The following USH2A variants were observed in gnomAD, a reference collection of about 807,000 sequenced individuals.
USH2A encodes usherin.
Under a neutral mutation model 538.9 loss-of-function variants are expected in USH2A, and 443 were observed. That is an observed-to-expected ratio of 0.82 (90% confidence interval 0.76 to 0.89). The LOEUF is 0.89. Ranked by LOEUF, USH2A falls within the 40% of genes least tolerant of loss-of-function variation. The pLI is 0.00. For missense variants in USH2A, 6,633 were observed against 6,324.8 expected (o/e 1.05, Z -1.65); for synonymous variants, 2,413 against 2,273.5 (o/e 1.06, Z -1.75).
At chr1:216,277,920 C>G (rs991456026) in intron 11 of USH2A, among the ~76,000 whole-genome samples, 2 of 152,090 alleles carry the variant, frequency 1.3e-5, no homozygotes, top group African/African-American at 2.4e-5. Flanking sequence ...GAGGTAGGAA[C>G]AGCTGTCTTG....
intron 3 of USH2A, among the ~76,000 whole-genome samples, chr1:216,391,946 T>C (rs746533246): frequency 6.6e-6 from 1 of 152,208 alleles, no homozygotes; most frequent in African/African-American, 2.4e-5. Flanking sequence ...TGCTTGCCTC[T>C]GTTAAATCTC....
intron 58 of USH2A, 121 bp downstream of exon 58, chr1:215,758,474 A>T: frequency 7.9e-7 from 1 of 1,266,052 alleles, no homozygotes; most frequent in African/African-American, 1.5e-5. Flanking sequence ...TTCTGTTCAT[A>T]TTTATCCAGG....
chr1:215,775,856 T>C (rs1661446830), intron 55 of USH2A, among the ~76,000 whole-genome samples: 1 of 152,250 alleles, frequency 6.6e-6, no homozygotes, highest in Non-Finnish European at 1.5e-5. Flanking sequence ...GAAACGAAAG[T>C]AAATTATTCT....
At chr1:216,397,221 A>G (rs904634135) in intron 3 of USH2A, among the ~76,000 whole-genome samples, 1 of 152,228 alleles carries the variant, frequency 6.6e-6, no homozygotes, top group African/African-American at 2.4e-5. Context: ...TATTTGCTGA[A>G]AAGTGTTAAG....
chr1:215,641,835 A>G (rs1205089514), intron 67 of USH2A, among the ~76,000 whole-genome samples: 2 of 152,232 alleles, frequency 1.3e-5, no homozygotes, highest in Non-Finnish European at 2.9e-5. Context: ...GTTGATTGTT[A>G]TCTTTCAAAA....
At chr1:215,948,752 A>G (rs1666822218) in intron 37 of USH2A, among the ~76,000 whole-genome samples, 1 of 152,120 alleles carries the variant, frequency 6.6e-6, no homozygotes, top group Non-Finnish European at 1.5e-5. Flanking sequence ...AAAAATTTCA[A>G]TAAGGATAAT....
rs1450300668 is a variant in USH2A at position 215,743,426 on chromosome 1, A to G, written c.11390-91T>C. 2,388 of 297,632 alleles carry G rather than the reference A, an allele frequency of 8.0e-3. 69 individuals are homozygous for G. The highest frequency in any genetic ancestry group is 0.018 in the Admixed American group (230 of 12,972). The allele number at this position is 297,632 out of a possible 1,614,324, so 18.4% of individuals were successfully genotyped here. On this transcript the variant is annotated intron_variant, in intron 58 of 71. Coordinates refer to ENST00000307340, the MANE Select transcript of USH2A (RefSeq NM_206933.4). ...TGTGTGTGTGTGTGTGTATATATAT[A>G]TAGACACACATATATATATAAATAA...
rs371153974 is a variant in USH2A at position 216,280,035 on chromosome 1, T to C, written c.1971+9245A>G. ...CTGAGATCTCTAGATGTATGCACTT[T>C]AGGTGTGGATTCACAGACCCTTCTC... On this transcript the variant is annotated intron_variant, in intron 11 of 71. Transcript: ENST00000307340. Among the ~76,000 whole-genome samples, 5 of 151,944 alleles carry C rather than the reference T, an allele frequency of 3.3e-5. No individual in the cohort carries two copies. The South Asian group carries it at 1.0e-3, about 32-fold the overall frequency.
intron 4 of USH2A, among the ~76,000 whole-genome samples, chr1:216,348,380 C>T (rs564882775): frequency 6.6e-6 from 1 of 152,140 alleles, no homozygotes; most frequent in South Asian, 2.1e-4. Context: ...TTTACACATG[C>T]CCTGTACAGG....
chr1:216,123,613 AG>A (rs2033180517), intron 21 of USH2A, among the ~76,000 whole-genome samples: 5 of 152,200 alleles, frequency 3.3e-5, no homozygotes, highest in Non-Finnish European at 7.4e-5. Flanking sequence ...CTTTGAAAAC[AG>A]GAACAGTTAC....
intron 20 of USH2A, among the ~76,000 whole-genome samples, chr1:216,187,799 C>A (rs1225656751): frequency 6.6e-6 from 1 of 151,840 alleles, no homozygotes; most frequent in Non-Finnish European, 1.5e-5. Context: ...TAATTCTAAT[C>A]CTCATCAGAA....
chr1:216,381,994 A>G (rs1032718203), intron 3 of USH2A, among the ~76,000 whole-genome samples: 1 of 152,178 alleles, frequency 6.6e-6, no homozygotes, highest in African/African-American at 2.4e-5. Flanking sequence ...CTTGTAGTTC[A>G]TGGGTCAACT....
At chr1:215,741,177 A>G (rs1200323134) in intron 60 of USH2A, among the ~76,000 whole-genome samples, 198 bp downstream of exon 60, 1 of 152,214 alleles carries the variant, frequency 6.6e-6, no homozygotes, top group Non-Finnish European at 1.5e-5. Context: ...GTTAATTTGT[A>G]AAAGTTTGAG....
At chr1:216,335,607 G>A (rs1431844644) in intron 4 of USH2A, among the ~76,000 whole-genome samples, 1 of 151,432 alleles carries the variant, frequency 6.6e-6, no homozygotes, top group Non-Finnish European at 1.5e-5. Context: ...AACTGACTTT[G>A]CAGTCACAAA....
chr1:216,246,673 T>TGTCCCCAAGGA lies in USH2A; in HGVS notation c.2710_2720dup (p.Leu908ProfsTer63), dbSNP rs755218835. The TGTCCCCAAGGA allele has an allele frequency of 6.2e-7, 1 of 1,614,100 alleles. No individual in the cohort carries two copies. Among genetic ancestry groups the TGTCCCCAAGGA allele is most frequent in the Non-Finnish European group, 8.5e-7 (1 of 1,179,976 alleles). ...TTGGGTCACAAATGGTCCCAGGTAATGTCCCCAAGGAATCACACTCACACA... is the reference window on the plus strand; with the variant it reads ...TTGGGTCACAAATGGTCCCAGGTAATGTCCCCAAGGAGTCCCCAAGGAATCACACTCACACA... On this transcript the variant is annotated frameshift_variant, in exon 13 of 72. Coordinates refer to ENST00000307340, the MANE Select transcript of USH2A (RefSeq NM_206933.4). LOFTEE classifies it high-confidence loss of function.
intron 9 of USH2A, among the ~76,000 whole-genome samples, chr1:216,302,578 T>G (rs1321036944): frequency 6.6e-6 from 1 of 152,128 alleles, no homozygotes; most frequent in African/African-American, 2.4e-5. Context: ...GATACTGAAA[T>G]TAATAGCATA....
intron 32 of USH2A, among the ~76,000 whole-genome samples, chr1:216,042,469 T>C (rs760451340): frequency 3.9e-5 from 6 of 152,056 alleles, no homozygotes; most frequent in Non-Finnish European, 7.4e-5. Context: ...AGACCTAAAC[T>C]GACACTATTA....
At chr1:216,253,886 A>G (rs1288186957) in intron 11 of USH2A, among the ~76,000 whole-genome samples, 5 of 152,114 alleles carry the variant, frequency 3.3e-5, no homozygotes, top group African/African-American at 7.2e-5. Flanking sequence ...ATTACCTACC[A>G]TCTTGCACTC....
chr1:216,392,491 C>CAAAA (rs55951311), intron 3 of USH2A, among the ~76,000 whole-genome samples: 1 of 49,478 alleles, frequency 2.0e-5, no homozygotes, highest in African/African-American at 7.8e-5. Flanking sequence ...GACTCCGTCT[C>CAAAA]AAAAAAAAAA....
Sources: allele counts gnomAD v4.1 joint callset (sites outside exome capture counted in the v4.1 genomes callset), GRCh38; gene constraint gnomAD v4.1.1; transcripts MANE v1.5; gene names NCBI Gene and HGNC (gene_info 2026-07-23, HGNC 2026-07-21).